ENTPD1: variants seen among roughly 807,000 people sequenced by gnomAD.
ENTPD1 encodes the protein ATP diphosphohydrolase.
ENTPD1 carries 33 observed loss-of-function variants against 57.0 expected under a neutral mutation model. That is an observed-to-expected ratio of 0.58 (90% CI 0.44 to 0.77). ENTPD1 has a LOEUF of 0.77. ENTPD1 is among the 30% of genes least tolerant of loss of function. ENTPD1 has a pLI of 0.00. For missense variants in ENTPD1, 501 were observed against 603.4 expected (o/e 0.83, Z 1.78); for synonymous variants, 202 against 218.8 (o/e 0.92, Z 0.68).
chr10:95,873,797 C>A lies in ENTPD1; in HGVS notation c.*7414C>A. The A allele has an allele frequency of 1.3e-6, 1 of 795,890 alleles. No homozygotes were observed. The highest frequency in any genetic ancestry group is 1.5e-6 in the Non-Finnish European group (1 of 656,982). The allele number at this position is 795,890 out of a possible 1,614,324, so 49.3% of individuals were successfully genotyped here. ...TTACAGTTCCACATGGCTGGGGAGG[C>A]CTCAAAATCAGGTGGGAGGCAAAAG... On this transcript the variant is annotated 3_prime_UTR_variant, in exon 10 of 10. Coordinates refer to ENST00000371205, the MANE Select transcript of ENTPD1 (RefSeq NM_001776.6).
chr10:95,839,913 A>G, intron 3 of ENTPD1, 105 bp downstream of exon 3: 1 of 1,090,734 alleles, frequency 9.2e-7, no homozygotes. Flanking sequence ...ACGCATAGGA[A>G]GCCAAGTGAA....
intron 7 of ENTPD1, among the ~76,000 whole-genome samples, chr10:95,860,189 CTCTCTTTTCTTAT>C (rs547385022): frequency 3.0e-4 from 46 of 152,274 alleles, no homozygotes; most frequent in African/African-American, 1.0e-3. Flanking sequence ...ACCCCTTTCT[CTCTCTTTTCTTAT>C]TCTCTTTCCC....
chr10:95,844,675 G>A (rs2098430407), intron 5 of ENTPD1, 40 bp downstream of exon 5: 1 of 1,612,582 alleles, frequency 6.2e-7, no homozygotes, highest in Admixed American at 1.7e-5. Context: ...GCTCTCTGGA[G>A]GCCAATGCCA....
At chr10:95,810,228 C>T (rs1451240891) in intron 1 of ENTPD1, among the ~76,000 whole-genome samples, 1 of 142,852 alleles carries the variant, frequency 7.0e-6, no homozygotes, top group Admixed American at 7.0e-5. Context: ...GGTGGCCAGG[C>T]AGAGGCACTC....
intron 2 of ENTPD1, among the ~76,000 whole-genome samples, chr10:95,834,345 TG>T (rs1278427832): frequency 2.6e-5 from 4 of 152,202 alleles, no homozygotes; most frequent in Non-Finnish European, 5.9e-5. Context: ...TTACACCATG[TG>T]GCCAGTACCG....
chr10:95,803,424 A>C (rs551557059), intron 1 of ENTPD1, among the ~76,000 whole-genome samples: 101 of 152,232 alleles, frequency 6.6e-4, no homozygotes, highest in African/African-American at 2.3e-3. Flanking sequence ...GTGATATCTC[A>C]TTGTGGTTTT....
intron 1 of ENTPD1, among the ~76,000 whole-genome samples, chr10:95,768,345 G>A (rs1443853102): frequency 6.6e-6 from 1 of 151,784 alleles, no homozygotes; most frequent in East Asian, 1.9e-4. Flanking sequence ...TCACAACTTT[G>A]ATTAATGCTG....
At chr10:95,774,642 G>A (rs967581824) in intron 1 of ENTPD1, among the ~76,000 whole-genome samples, 9 of 152,204 alleles carry the variant, frequency 5.9e-5, no homozygotes, top group African/African-American at 2.2e-4. Context: ...GATGGTTGTA[G>A]ATGTGTGGTG....
Position 95,870,616 on chromosome 10 carries a change from C to A in ENTPD1, c.*4233C>A, listed in dbSNP as rs1378861739. On this transcript the variant is annotated 3_prime_UTR_variant, in exon 10 of 10. Transcript: ENST00000371205. ...TTAATAGCTCACAGAACAAAGTTTG[C>A]CACATAATGATAAAATTACTATGAA... 2.0e-6 allele frequency: 2 copies of A among 985,304 alleles called. No homozygotes were observed. Among genetic ancestry groups the A allele is most frequent in the South Asian group, 4.7e-5 (1 of 21,292 alleles). 61.0% of individuals were successfully genotyped at this position (985,304 alleles called of 1,614,324 possible).
At position 95,869,940 on chromosome 10, in the gene ENTPD1, A is replaced by G. The variant is rs2141022943; in HGVS notation, c.*3557A>G. 1.0e-6 allele frequency: 1 copy of G among 983,562 alleles called. No individual in the cohort carries two copies. Among genetic ancestry groups the G allele is most frequent in the South Asian group, 4.7e-5 (1 of 21,256 alleles). 60.9% of individuals were successfully genotyped at this position (983,562 alleles called of 1,614,324 possible). ...CTCACATGTGGCTTGTAGCTACCAT[A>G]CTGGACAGCACATGTCCAAAAAAAT... On this transcript the variant is annotated 3_prime_UTR_variant, in exon 10 of 10. Coordinates refer to ENST00000371205, the MANE Select transcript of ENTPD1 (RefSeq NM_001776.6).
At position 95,847,625 on chromosome 10, in the gene ENTPD1, G is replaced by A. The variant is rs751760570; in HGVS notation, c.993G>A (p.Glu331=). Residue 331 remains glutamate, a synonymous_variant, in exon 7 of 10, where the codon GAG becomes GAA. Transcript: ENST00000371205. ...AACAATGCCATCAAAGCATCCTGGAGCTCTTCAACACCAGTTACTGCCCTT... is the reference window on the plus strand; with the variant it reads ...AACAATGCCATCAAAGCATCCTGGAACTCTTCAACACCAGTTACTGCCCTT... ...NYQQCHQSIL[E]LFNTSYCPYS... 3 of 1,614,202 alleles carry A rather than the reference G, an allele frequency of 1.9e-6. No individual in the cohort carries two copies. In the East Asian group the frequency reaches 6.7e-5, roughly 36 times the overall value.
chr10:95,700,320 C>T, the ENTPD1 span, among the ~76,000 whole-genome samples: 1 of 151,790 alleles, frequency 6.6e-6, no homozygotes, highest in African/African-American at 2.4e-5. Context: ...ATTAAATCTA[C>T]AAGTCCAATG....
At chr10:95,756,999 T>G (rs961101160) in intron 1 of ENTPD1, among the ~76,000 whole-genome samples, 1 of 152,222 alleles carries the variant, frequency 6.6e-6, no homozygotes, top group Non-Finnish European at 1.5e-5. Flanking sequence ...TTTGGGCATT[T>G]TCTGCCAAGA....
At chr10:95,742,541 C>CT (rs10701222) in intron 1 of ENTPD1, among the ~76,000 whole-genome samples, 83,588 of 140,606 alleles carry the variant, frequency 0.59, 24,830 homozygotes, top group Admixed American at 0.67. Flanking sequence ...TTTCTTTTTT[C>CT]TTTTTTTTTT....
At chr10:95,742,839 C>T (rs1409004305) in intron 1 of ENTPD1, among the ~76,000 whole-genome samples, 2 of 152,108 alleles carry the variant, frequency 1.3e-5, no homozygotes, top group Admixed American at 6.5e-5. Flanking sequence ...ACACTGTTAA[C>T]ATATTTTTTA....
Position 95,868,861 on chromosome 10 carries a change from C to CA in ENTPD1, c.*2488dup, listed in dbSNP as rs1003665227. 5.5e-4 allele frequency: 523 copies of CA among 950,452 alleles called. 1 individual carries two copies. The highest frequency in any genetic ancestry group is 1.7e-3 in the South Asian group (35 of 20,474). 58.9% of individuals were successfully genotyped at this position (950,452 alleles called of 1,614,324 possible). ...CCAATCTCCCCCTCCCCAGAGATGCCAAAAAAAAAATCCTTTAAGGTATTT... is the reference window on the plus strand; with the variant it reads ...CCAATCTCCCCCTCCCCAGAGATGCCAAAAAAAAAAATCCTTTAAGGTATTT... On this transcript the variant is annotated 3_prime_UTR_variant, in exon 10 of 10. Transcript: ENST00000371205.
chr10:95,745,137 G>A (rs1447657286), intron 1 of ENTPD1, among the ~76,000 whole-genome samples: 1 of 152,118 alleles, frequency 6.6e-6, no homozygotes, highest in Admixed American at 6.5e-5. Context: ...GCAATTCACA[G>A]ATTTGGATTT....
chr10:95,811,036 G>T (rs139854137), intron 1 of ENTPD1, among the ~76,000 whole-genome samples: 4 of 152,290 alleles, frequency 2.6e-5, no homozygotes, highest in Non-Finnish European at 5.9e-5. Flanking sequence ...CAGCTGGTTA[G>T]GTGTCAGATG....
At chr10:95,838,724 T>C (rs923463856) in intron 2 of ENTPD1, among the ~76,000 whole-genome samples, 2 of 152,234 alleles carry the variant, frequency 1.3e-5, no homozygotes, top group African/African-American at 4.8e-5. Context: ...TGTGCACATA[T>C]GCAAAAATTT....
Sources: gnomAD v4.1 joint callset for allele counts (sites outside exome capture counted in the v4.1 genomes callset) on GRCh38, gnomAD v4.1.1 for gene constraint, MANE v1.5 for transcripts, NCBI Gene and HGNC (gene_info 2026-07-23, HGNC 2026-07-21) for gene names.